The following DDX10 variants were observed in gnomAD, a reference collection of about 807,000 sequenced individuals.
DDX10 encodes the protein DEAD-box helicase 10, also known as probable ATP-dependent RNA helicase DDX10.
Under a neutral mutation model 104.3 loss-of-function variants are expected in DDX10, and 74 were observed. That is an observed-to-expected ratio of 0.71 (90% CI 0.59 to 0.86). The LOEUF is 0.86. Ranked by LOEUF, DDX10 falls within the 40% of genes least tolerant of loss-of-function variation. The probability of loss-of-function intolerance (pLI) is 0.00; values close to 1 mark genes in which losing one functional copy is unlikely to be tolerated. For synonymous variants in DDX10, 351 were observed against 353.4 expected (o/e 0.99, Z 0.08); for missense variants, 952 against 1,040.0 (o/e 0.92, Z 1.16).
At chr11:108,811,302 G>A (rs1444872861) in intron 13 of DDX10, among the ~76,000 whole-genome samples, 1 of 152,190 alleles carries the variant, frequency 6.6e-6, no homozygotes, top group African/African-American at 2.4e-5. Flanking sequence ...AAATTATATG[G>A]TAGGAATTGG....
rs10646427 is a variant in DDX10 at position 108,735,709 on chromosome 11, T to TAAA, written c.1965+12256_1965+12258dup. 3.4e-4 allele frequency among the ~76,000 whole-genome samples: 50 copies of TAAA among 149,166 alleles called. 1 individual carries two copies. Among genetic ancestry groups the TAAA allele is most frequent in the Middle Eastern group, 3.4e-3 (1 of 294 alleles). ...TTGAAATAAATTATTTCAAGAACAT[T>TAAA]AAAAAAAAAAAGTATTCCAGCTTTA... On this transcript the variant is annotated intron_variant, in intron 13 of 17. Transcript: ENST00000322536.
intron 15 of DDX10, among the ~76,000 whole-genome samples, chr11:108,849,538 A>G (rs1227938091): frequency 1.3e-5 from 2 of 152,064 alleles, no homozygotes; most frequent in Admixed American, 6.6e-5. Flanking sequence ...AAGAAGTATA[A>G]TATCTATAAA....
chr11:108,846,458 C>T (rs757244625), intron 15 of DDX10, among the ~76,000 whole-genome samples: 1 of 152,192 alleles, frequency 6.6e-6, no homozygotes, highest in Non-Finnish European at 1.5e-5. Flanking sequence ...TTGGTAACCA[C>T]CATTCTACGC....
chr11:108,763,468 G>A (rs1257708808), intron 13 of DDX10, among the ~76,000 whole-genome samples: 2 of 152,140 alleles, frequency 1.3e-5, no homozygotes, highest in African/African-American at 4.8e-5. Flanking sequence ...TACCAGGTAG[G>A]AGATCTGTGG....
At chr11:108,765,061 T>C (rs576693183) in intron 13 of DDX10, among the ~76,000 whole-genome samples, 1 of 152,342 alleles carries the variant, frequency 6.6e-6, no homozygotes, top group African/African-American at 2.4e-5. Flanking sequence ...TCAATAGACC[T>C]TTCTATTAAA....
intron 16 of DDX10, among the ~76,000 whole-genome samples, chr11:108,912,574 G>A (rs1276896091): frequency 6.6e-6 from 1 of 152,122 alleles, no homozygotes; most frequent in African/African-American, 2.4e-5. Flanking sequence ...TTACAGCAGT[G>A]AGTTTCCAGC....
intron 13 of DDX10, among the ~76,000 whole-genome samples, chr11:108,751,236 A>G (rs1287258248): frequency 1.3e-5 from 2 of 152,094 alleles, no homozygotes; most frequent in Admixed American, 1.3e-4. Context: ...TTATAAGTAA[A>G]TATGTAAGTA....
intron 13 of DDX10, among the ~76,000 whole-genome samples, chr11:108,819,003 A>G (rs768160791): frequency 8.5e-5 from 13 of 152,188 alleles, no homozygotes; most frequent in Non-Finnish European, 1.5e-4. Flanking sequence ...TGTTGGTGGG[A>G]AAAGTGGCTT....
At chr11:108,878,015 T>G (rs1863175587) in intron 16 of DDX10, among the ~76,000 whole-genome samples, 1 of 152,192 alleles carries the variant, frequency 6.6e-6, no homozygotes, top group Non-Finnish European at 1.5e-5. Context: ...CCCTCCTTCC[T>G]TTTCTTTCAG....
In DDX10 at chr11:108,852,219, T is replaced by G. The variant is rs1862803695; in HGVS notation, c.2304+10T>G. 1 of 1,603,994 alleles carries G rather than the reference T, an allele frequency of 6.2e-7. No individual in the cohort carries two copies. The highest frequency in any genetic ancestry group is 1.3e-5 in the African/African-American group (1 of 74,654). On this transcript the variant is annotated intron_variant, in intron 16 of 17. Transcript: ENST00000322536. ...CAAGAGACAAGCAAAGGTAAGGGTT[T>G]ATATACATTTATTTTTCCAAGCTCT...
chr11:108,768,550 A>G (rs951193407), intron 13 of DDX10, among the ~76,000 whole-genome samples: 1 of 152,298 alleles, frequency 6.6e-6, no homozygotes, highest in Non-Finnish European at 1.5e-5. Flanking sequence ...ATATTGCAGC[A>G]TATTTTAATT....
intron 17 of DDX10, among the ~76,000 whole-genome samples, chr11:108,935,662 G>A (rs2134678743): frequency 6.6e-6 from 1 of 152,226 alleles, no homozygotes; most frequent in South Asian, 2.1e-4. Flanking sequence ...ATATAAGACT[G>A]AAAAGTAAAA....
intron 11 of DDX10, among the ~76,000 whole-genome samples, chr11:108,716,881 T>A (rs765060987): frequency 3.3e-5 from 5 of 152,232 alleles, no homozygotes; most frequent in Non-Finnish European, 7.3e-5. Context: ...GCATAGGTAT[T>A]ACCTCACATA....
At chr11:108,845,650 A>C (rs182652883) in intron 15 of DDX10, among the ~76,000 whole-genome samples, 3 of 152,310 alleles carry the variant, frequency 2.0e-5, no homozygotes, top group African/African-American at 4.8e-5. Context: ...TGCCTGAATG[A>C]ATTTTGCATA....
At chr11:108,927,153 A>G (rs1410944704) in intron 17 of DDX10, among the ~76,000 whole-genome samples, 1 of 152,206 alleles carries the variant, frequency 6.6e-6, no homozygotes, top group African/African-American at 2.4e-5. Flanking sequence ...TAGCATTCCA[A>G]AGGAAAGAAG....
intron 16 of DDX10, among the ~76,000 whole-genome samples, chr11:108,907,179 G>C (rs769475805): frequency 6.7e-6 from 1 of 148,936 alleles, no homozygotes; most frequent in East Asian, 2.1e-4. Context: ...CATTGTTTTG[G>C]AATGATGAGG....
intron 16 of DDX10, among the ~76,000 whole-genome samples, chr11:108,873,954 A>G (rs1863116376): frequency 6.6e-6 from 1 of 152,210 alleles, no homozygotes; most frequent in South Asian, 2.1e-4. Flanking sequence ...AAATAATTGC[A>G]AAGAGTCTAT....
intron 13 of DDX10, among the ~76,000 whole-genome samples, chr11:108,823,972 G>C (rs1285719828): frequency 6.6e-6 from 1 of 152,178 alleles, no homozygotes; most frequent in African/African-American, 2.4e-5. Flanking sequence ...TAGAGGTGTG[G>C]ATCGCTGAGA....
intron 10 of DDX10, among the ~76,000 whole-genome samples, chr11:108,711,585 G>A (rs375426077): frequency 3.3e-5 from 5 of 152,130 alleles, no homozygotes; most frequent in South Asian, 2.1e-4. Flanking sequence ...TGCCCTCCTC[G>A]GCCTCCCAAA....
Sources: allele counts gnomAD v4.1 joint callset (sites outside exome capture counted in the v4.1 genomes callset), GRCh38; gene constraint gnomAD v4.1.1; transcripts MANE v1.5; gene names NCBI Gene and HGNC (gene_info 2026-07-23, HGNC 2026-07-21).